The following CEP162 variants were observed in gnomAD, a reference collection of about 807,000 sequenced individuals.
The protein encoded by CEP162 is centrosomal protein 162.
In CEP162, 141 loss-of-function variants were observed where a neutral mutation model predicts 169.2. The observed-to-expected ratio is 0.83, with a 90% CI of 0.73 to 0.96. CEP162 has a LOEUF of 0.96. Among genes scored for constraint, CEP162 ranks in the 40% least tolerant of loss-of-function variants. CEP162 has a pLI of 0.00. For synonymous variants in CEP162, 540 were observed against 526.4 expected (o/e 1.03, Z -0.35); for missense variants, 1,600 against 1,587.2 (o/e 1.01, Z -0.14).
intron 25 of CEP162, among the ~76,000 whole-genome samples, chr6:84,133,927 CATCTT>C (rs2129186677): frequency 6.6e-6 from 1 of 152,300 alleles, no homozygotes; most frequent in East Asian, 1.9e-4. Context: ...AGAAATCACC[CATCTT>C]ATGAGTCGCT....
At chr6:84,206,760 A>G (rs1004493341) in intron 6 of CEP162, among the ~76,000 whole-genome samples, 16 of 152,234 alleles carry the variant, frequency 1.1e-4, no homozygotes, top group Non-Finnish European at 1.9e-4. Flanking sequence ...CAGCAAAAGA[A>G]ACTACCATCA....
rs368672446 is a variant in CEP162, at chr6:84,152,630, C to T, written c.3544G>A (p.Glu1182Lys). 57 of 1,587,068 alleles carry T rather than the reference C, an allele frequency of 3.6e-5. No homozygotes were observed. In the African/African-American group the frequency reaches 6.2e-4, roughly 17 times the overall value. The change falls in exon 23 of 27, where the codon GAG (glutamate) becomes AAG (lysine). Residue 1182 changes from glutamate to lysine, a missense_variant. Coordinates refer to ENST00000403245, the MANE Select transcript of CEP162 (RefSeq NM_014895.4). The stretch of plus-strand genomic sequence containing the variant: ...TTCTCTGAAATTAATCCTTCTAGCT[C>T]ATTTTTTAATCTGTAGTTTTCTTGT... ...VLQENYRLKN[E>K]LEGLISEKNE...
At chr6:84,153,678 GA>G (rs2099521966) in intron 22 of CEP162, among the ~76,000 whole-genome samples, 1 of 152,116 alleles carries the variant, frequency 6.6e-6, no homozygotes, top group Non-Finnish European at 1.5e-5. Context: ...TTCAGCAAAT[GA>G]AATAAATAAT....
In CEP162 at chr6:84,125,191, C is replaced by G. The variant is rs144811188; in HGVS notation, c.4091G>C (p.Arg1364Pro). Residue 1364 changes from arginine to proline, a missense_variant, in exon 27 of 27, where the codon CGT (arginine) becomes CCT (proline). Transcript: ENST00000403245. The part of the protein sequence containing the change: ...KWKRLAQLKN[R>P]ELEKFRTELD... ...TTCTGTGCGGAACTTCTCCAGCTCA[C>G]GATTCTTTAACTGTGCCAGTCTTTT... The G allele has an allele frequency of 3.1e-6, 5 of 1,613,642 alleles. No homozygotes were observed. In the South Asian group the frequency reaches 5.5e-5, roughly 18 times the overall value.
chr6:84,219,287 G>T, intron 3 of CEP162: 2 of 539,234 alleles, frequency 3.7e-6, no homozygotes, highest in Non-Finnish European at 6.6e-6. Flanking sequence ...CCCGTGGGCA[G>T]GGAAACCTCC....
At chr6:84,190,749 A>C (rs1280658128) in intron 11 of CEP162, among the ~76,000 whole-genome samples, 1 of 152,220 alleles carries the variant, frequency 6.6e-6, no homozygotes, top group African/African-American at 2.4e-5. Context: ...TGTAACACTC[A>C]CCGCGAGCGT....
intron 15 of CEP162, 134 bp from the exon 16 acceptor site, chr6:84,174,322 C>G (rs949164070): frequency 1.3e-6 from 1 of 770,730 alleles, no homozygotes; most frequent in African/African-American, 1.8e-5. Flanking sequence ...TGTGACATAA[C>G]TAGTTAAATC....
intron 25 of CEP162, among the ~76,000 whole-genome samples, chr6:84,131,676 T>G (rs952207247): frequency 2.7e-4 from 35 of 127,516 alleles, no homozygotes; most frequent in African/African-American, 1.0e-3. Flanking sequence ...TTTTTTTTTG[T>G]TTTGTTTTCC....
chr6:84,125,076 C>A lies in CEP162; in HGVS notation c.4206G>T (p.Glu1402Asp), dbSNP rs1028036375. 1 of 1,610,736 alleles carries A rather than the reference C, an allele frequency of 6.2e-7. No homozygotes were observed. Among genetic ancestry groups the A allele is most frequent in the Non-Finnish European group, 8.5e-7 (1 of 1,177,744 alleles). Residue 1402 changes from glutamate to aspartate, a missense_variant, in exon 27 of 27, where the codon GAG (glutamate) becomes GAT (aspartate). Coordinates refer to ENST00000403245, the MANE Select transcript of CEP162 (RefSeq NM_014895.4). The stretch of plus-strand genomic sequence containing the variant: ...TATGAAATCTGAATTTCTATTAATA[C>A]TCTGGTGCATTCATTTCATCTGCAA... Reference protein sequence around the residue: ...VAFADEMNAPEY With the variant: ...VAFADEMNAPDY
intron 11 of CEP162, among the ~76,000 whole-genome samples, chr6:84,191,268 C>T (rs899996487): frequency 6.6e-6 from 1 of 152,094 alleles, no homozygotes; most frequent in Non-Finnish European, 1.5e-5. Context: ...GCATACCCCT[C>T]AACCTAAAAT....
intron 25 of CEP162, among the ~76,000 whole-genome samples, chr6:84,127,216 A>G (rs2099509296): frequency 6.6e-6 from 1 of 152,210 alleles, no homozygotes; most frequent in African/African-American, 2.4e-5. Context: ...AACAAGAATC[A>G]GATTTTGCTA....
At chr6:84,153,810 T>C (rs2099522010) in intron 22 of CEP162, among the ~76,000 whole-genome samples, 5 of 152,106 alleles carry the variant, frequency 3.3e-5, no homozygotes, top group Admixed American at 2.6e-4. Context: ...AGTTATTATT[T>C]TCAAATAGCT....
chr6:84,219,231 A>G lies in CEP162; in HGVS notation c.172+1826T>C, dbSNP rs1404186753. 10 of 1,045,432 alleles carry G rather than the reference A, an allele frequency of 9.6e-6. No homozygotes were observed. The East Asian group carries it at 5.4e-4, about 56-fold the overall frequency. The allele number at this position is 1,045,432 out of a possible 1,614,324, so 64.8% of individuals were successfully genotyped here. A position where few individuals can be genotyped will look rare whatever the true frequency, so the allele number is the denominator to read the frequency against. On this transcript the variant is annotated intron_variant, in intron 3 of 26. Coordinates refer to ENST00000403245, the MANE Select transcript of CEP162 (RefSeq NM_014895.4). ...TAATAATGCCTAGTATTTAGAACAT[A>G]ATACAAACTCAGTAACCGTTTGCTT...
chr6:84,194,363 A>AG (rs962836805), intron 10 of CEP162, among the ~76,000 whole-genome samples: 2 of 143,932 alleles, frequency 1.4e-5, no homozygotes, highest in African/African-American at 4.9e-5. Flanking sequence ...TCAAAAAAAA[A>AG]AAAAGAAAAG....
In CEP162 at chr6:84,152,927, C is replaced by CATG. The variant is rs780665587; in HGVS notation, c.3244_3246dup (p.His1082dup). On this transcript the variant is annotated inframe_insertion, in exon 23 of 27. Transcript: ENST00000403245. ...TTGAGTCTTACTAATTTAGCTTTAG[C>CATG]ATGAGCCTGTTCCACCTGGAATTCT... is the stretch of plus-strand genomic sequence containing the variant. The CATG allele has an allele frequency of 6.2e-6, 10 of 1,613,782 alleles. No individual in the cohort carries two copies. The highest frequency in any genetic ancestry group is 5.9e-6 in the Non-Finnish European group (7 of 1,179,814).
At chr6:84,128,359 A>C (rs2099509784) in intron 25 of CEP162, among the ~76,000 whole-genome samples, 1 of 149,194 alleles carries the variant, frequency 6.7e-6, no homozygotes, top group East Asian at 1.9e-4. Context: ...CTGAATACTT[A>C]ATAAGCAAAC....
At chr6:84,207,710 G>A (rs973160618) in intron 6 of CEP162, among the ~76,000 whole-genome samples, 3 of 129,620 alleles carry the variant, frequency 2.3e-5, no homozygotes, top group South Asian at 2.1e-4. Context: ...AGAACTTAAA[G>A]TATAAAAAAA....
chr6:84,143,348 GCTT>G (rs2099517480), intron 25 of CEP162, among the ~76,000 whole-genome samples: 2 of 152,048 alleles, frequency 1.3e-5, no homozygotes, highest in South Asian at 4.1e-4. Context: ...GGTCATGGCT[GCTT>G]TGTAGTTTTC....
chr6:84,170,101 C>T (rs1049442713), intron 17 of CEP162, among the ~76,000 whole-genome samples: 3 of 151,996 alleles, frequency 2.0e-5, no homozygotes, highest in African/African-American at 7.2e-5. Flanking sequence ...AGGCCAGGCA[C>T]GGTGGCTCAC....
Sources: allele counts gnomAD v4.1 joint callset (sites outside exome capture counted in the v4.1 genomes callset), GRCh38; gene constraint gnomAD v4.1.1; transcripts MANE v1.5; gene names NCBI Gene and HGNC (gene_info 2026-07-23, HGNC 2026-07-21).